The following EYS variants were observed in gnomAD, a reference collection of about 807,000 sequenced individuals.
EYS encodes protein eyes shut homolog.
In EYS, 250 loss-of-function variants were observed where a neutral mutation model predicts 282.1. That is an observed-to-expected ratio of 0.89 (90% confidence interval 0.80 to 0.98). EYS has a LOEUF of 0.98. Ranked by LOEUF, EYS falls within the 50% of genes least tolerant of loss-of-function variation. The pLI is 0.00. For missense variants in EYS, 4,016 were observed against 3,709.0 expected, an observed-to-expected ratio of 1.08 and a Z score of -2.15; for synonymous variants, 1,355 against 1,282.9, an observed-to-expected ratio of 1.06 and a Z score of -1.20.
At position 65,086,495 on chromosome 6, in the gene EYS, C is replaced by T. The variant is rs146012595; in HGVS notation, c.2024-28768G>A. Among the ~76,000 whole-genome samples the T allele has an allele frequency of 6.9e-4, 105 of 151,682 alleles. 2 individuals are homozygous for T. The highest frequency in any genetic ancestry group is 6.8e-4 in the African/African-American group (28 of 41,346). Reference sequence around the variant, plus strand: ...AGCATAGATCACATATGGAAACAAACGCAAAACAGAAAATACAAATGGGAA... The same window carrying T: ...AGCATAGATCACATATGGAAACAAATGCAAAACAGAAAATACAAATGGGAA... On this transcript the variant is annotated intron_variant, in intron 12 of 42. Coordinates refer to ENST00000503581, the MANE Select transcript of EYS (RefSeq NM_001142800.2).
intron 7 of EYS, among the ~76,000 whole-genome samples, chr6:65,386,118 A>G (rs9354235): frequency 0.41 from 62,441 of 151,212 alleles, 13,891 homozygotes; most frequent in South Asian, 0.5. Flanking sequence ...AATGGTGTTG[A>G]ATGAACACTG....
intron 29 of EYS, among the ~76,000 whole-genome samples, chr6:64,315,075 A>C (rs1224290816): frequency 6.6e-6 from 1 of 152,174 alleles, no homozygotes; most frequent in Non-Finnish European, 1.5e-5. Flanking sequence ...AGACACAATA[A>C]AAAATGATAA....
Position 64,553,553 on chromosome 6 carries a change from C to T in EYS, c.5644+36670G>A, listed in dbSNP as rs867268193. Among the ~76,000 whole-genome samples, 7 of 134,198 alleles carry T rather than the reference C, an allele frequency of 5.2e-5. 2 individuals carry two copies. The highest frequency in any genetic ancestry group is 2.5e-4 in the East Asian group (1 of 4,058). 88.0% of individuals were successfully genotyped at this position (134,198 alleles called of 152,430 possible). On this transcript the variant is annotated intron_variant, in intron 26 of 42. Coordinates refer to ENST00000503581, the MANE Select transcript of EYS (RefSeq NM_001142800.2). ...TCTGTGACTTTTGTTTGACCCCCCC[C>T]CCCCCATAGGCAGTTACAAGGCAAA... is the stretch of plus-strand genomic sequence containing the variant.
At chr6:63,923,544 T>TA (rs1197862300) in intron 35 of EYS, among the ~76,000 whole-genome samples, 2 of 152,220 alleles carry the variant, frequency 1.3e-5, no homozygotes, top group Non-Finnish European at 1.5e-5. Flanking sequence ...GCCAAATCTT[T>TA]AAAAAATTTT....
chr6:65,167,504 C>G (rs530765056), intron 12 of EYS, among the ~76,000 whole-genome samples: 17 of 151,244 alleles, frequency 1.1e-4, no homozygotes, highest in Admixed American at 6.0e-4. Context: ...AATTAAAGAT[C>G]ACTTTCTCTT....
chr6:65,400,992 G>A lies in EYS; in HGVS notation c.1184+1486C>T, dbSNP rs140662761. 4.1e-3 allele frequency among the ~76,000 whole-genome samples: 622 copies of A among 151,910 alleles called. 5 individuals are homozygous for A. The highest frequency in any genetic ancestry group is 0.014 in the African/African-American group (589 of 41,488). On this transcript the variant is annotated intron_variant, in intron 7 of 42. Transcript: ENST00000503581. ...GATCAGGACAATCAGCATCACTTAC[G>A]ACTTGATTGGAAATGTACATTTGCA...
At chr6:63,865,160 C>G (rs1251895300) in intron 35 of EYS, among the ~76,000 whole-genome samples, 2 of 152,216 alleles carry the variant, frequency 1.3e-5, no homozygotes, top group Admixed American at 6.5e-5. Context: ...GCTAGGCCAA[C>G]TGGCCAACCT....
At chr6:65,278,322 ATCTATATATATATAGAATCTATATAT>A (rs1165187241) in intron 12 of EYS, among the ~76,000 whole-genome samples, 1 of 39,654 alleles carries the variant, frequency 2.5e-5, no homozygotes, top group Non-Finnish European at 7.6e-5. Flanking sequence ...TTCTATAGAA[ATCTATATATATATAGAATCTATATAT>A]TCTATATATA....
Position 65,606,101 on chromosome 6 carries a change from A to G in EYS, c.-333+33677T>C, listed in dbSNP as rs187129832. Among the ~76,000 whole-genome samples, 499 of 151,788 alleles carry G rather than the reference A, an allele frequency of 3.3e-3. 2 individuals are homozygous for G. The highest frequency in any genetic ancestry group is 0.012 in the African/African-American group (491 of 41,538). On this transcript the variant is annotated intron_variant, in intron 2 of 42. Coordinates refer to ENST00000503581, the MANE Select transcript of EYS (RefSeq NM_001142800.2). ...CCAATAGTCGCAAATTTTTAAAAAC[A>G]ATATTTATTTACATGACAAAATGGT...
intron 28 of EYS, among the ~76,000 whole-genome samples, chr6:64,395,825 C>G (rs1305941963): frequency 4.0e-5 from 6 of 150,824 alleles, no homozygotes; most frequent in African/African-American, 1.5e-4. Flanking sequence ...AATAATAGTA[C>G]ACATATTATA....
In EYS at chr6:64,387,317, A is replaced by G. The variant is rs551961619; in HGVS notation, c.6078+1373T>C. On this transcript the variant is annotated intron_variant, in intron 29 of 42. Coordinates refer to ENST00000503581, the MANE Select transcript of EYS (RefSeq NM_001142800.2). ...AGAAGACATCTTTTTCTATTTTTCTATATTGCTTCTGCATGTTTATATTTA... is the reference window on the plus strand; with the variant it reads ...AGAAGACATCTTTTTCTATTTTTCTGTATTGCTTCTGCATGTTTATATTTA... 1.2e-4 allele frequency among the ~76,000 whole-genome samples: 19 copies of G among 152,194 alleles called. No homozygotes were observed. In the East Asian group the frequency reaches 2.3e-3, roughly 19 times the overall value.
intron 22 of EYS, among the ~76,000 whole-genome samples, chr6:64,772,013 A>G (rs1773539774): frequency 6.6e-6 from 1 of 151,778 alleles, no homozygotes; most frequent in Non-Finnish European, 1.5e-5. Flanking sequence ...AAATGTTAAT[A>G]TAATAAGAAA....
intron 12 of EYS, among the ~76,000 whole-genome samples, chr6:65,283,846 A>AT (rs749858032): frequency 3.7e-4 from 57 of 152,044 alleles, no homozygotes; most frequent in Non-Finnish European, 6.9e-4. Context: ...TATGGGCTGT[A>AT]TTTGAGCTTT....
At chr6:64,668,295 C>A (rs2149893813) in intron 22 of EYS, among the ~76,000 whole-genome samples, 1 of 152,130 alleles carries the variant, frequency 6.6e-6, no homozygotes, top group South Asian at 2.1e-4. Flanking sequence ...AAAACAAAAC[C>A]TTTCATGATA....
intron 2 of EYS, among the ~76,000 whole-genome samples, chr6:65,566,626 G>C (rs1769289928): frequency 6.6e-6 from 1 of 152,000 alleles, no homozygotes; most frequent in Non-Finnish European, 1.5e-5. Flanking sequence ...AGTAACAAAA[G>C]TTAAAAAACA....
intron 12 of EYS, among the ~76,000 whole-genome samples, chr6:65,140,244 C>A (rs1764293765): frequency 6.6e-6 from 1 of 151,656 alleles, no homozygotes; most frequent in South Asian, 2.1e-4. Flanking sequence ...ATGTATTTTT[C>A]TATTTTCAAG....
chr6:64,755,821 T>G (rs1456023783), intron 22 of EYS, among the ~76,000 whole-genome samples: 1 of 152,030 alleles, frequency 6.6e-6, no homozygotes, highest in African/African-American at 2.4e-5. Context: ...ATTATTACAC[T>G]CAAGGCCCAG....
chr6:65,502,816 G>A (rs2127278800), intron 2 of EYS, among the ~76,000 whole-genome samples: 1 of 151,444 alleles, frequency 6.6e-6, no homozygotes, highest in East Asian at 1.9e-4. Flanking sequence ...TATGTACTGG[G>A]GAGAAAGGCC....
intron 29 of EYS, among the ~76,000 whole-genome samples, chr6:64,330,522 G>A (rs533204730): frequency 2.0e-4 from 30 of 152,296 alleles, no homozygotes; most frequent in African/African-American, 7.0e-4. Flanking sequence ...ACATGACAAG[G>A]CCTTTTTACC....
Sources: allele counts gnomAD v4.1 joint callset (sites outside exome capture counted in the v4.1 genomes callset), GRCh38; gene constraint gnomAD v4.1.1; transcripts MANE v1.5; gene names NCBI Gene and HGNC (gene_info 2026-07-23, HGNC 2026-07-21).